Variants in PLEKHG1 observed in about 807,000 individuals in gnomAD.
PLEKHG1 encodes the protein pleckstrin homology domain-containing family G member 1.
Under a neutral mutation model 100.8 loss-of-function variants are expected in PLEKHG1, and 44 were observed. That is an observed-to-expected ratio of 0.44 (90% CI 0.34 to 0.56). The LOEUF (loss-of-function observed/expected upper bound fraction) is 0.56, where lower values mean the gene tolerates loss of function less well. Among genes scored for constraint, PLEKHG1 ranks in the 20% least tolerant of loss-of-function variants. PLEKHG1 has a pLI of 0.01. For synonymous variants in PLEKHG1, 640 were observed against 662.5 expected (o/e 0.97, Z 0.52); for missense variants, 1,545 against 1,720.9 (o/e 0.90, Z 1.81).
intron 3 of PLEKHG1, 23 bp from the exon 5 acceptor site, chr6:150,786,367 C>T: frequency 6.5e-7 from 1 of 1,536,000 alleles, no homozygotes; most frequent in African/African-American, 1.4e-5. Flanking sequence ...TCTAATACTT[C>T]CTGGCTGTTA....
At chr6:150,666,817 G>T (rs2128583043) in intron 3 of PLEKHG1, among the ~76,000 whole-genome samples, 1 of 151,178 alleles carries the variant, frequency 6.6e-6, no homozygotes, top group Non-Finnish European at 1.5e-5. Context: ...CTGGAGTGCA[G>T]TGGCGCAATC....
At chr6:150,624,071 T>G (rs1777415205) in intron 1 of PLEKHG1, among the ~76,000 whole-genome samples, 1 of 152,220 alleles carries the variant, frequency 6.6e-6, no homozygotes, top group Non-Finnish European at 1.5e-5. Context: ...GGATCATCTA[T>G]GTTAGGCACA....
chr6:150,751,715 C>T (rs902162656), intron 2 of PLEKHG1, among the ~76,000 whole-genome samples: 1 of 152,054 alleles, frequency 6.6e-6, no homozygotes, highest in African/African-American at 2.4e-5. Flanking sequence ...CACCAAGGAG[C>T]CAGAGGAAAG....
intron 3 of PLEKHG1, among the ~76,000 whole-genome samples, chr6:150,670,618 A>G (rs17080073): frequency 0.2 from 30,037 of 152,138 alleles, 3,108 homozygotes; most frequent in South Asian, 0.26. Context: ...AAAACTTTGG[A>G]GTTCCCTATT....
chr6:150,828,334 G>T, intron 14 of PLEKHG1: 1 of 1,611,760 alleles, frequency 6.2e-7, no homozygotes, highest in Non-Finnish European at 8.5e-7. Context: ...GCTCTCCTCA[G>T]TGCGGCGCTC....
intron 1 of PLEKHG1, among the ~76,000 whole-genome samples, chr6:150,607,920 C>T (rs1776670203): frequency 6.6e-6 from 1 of 152,060 alleles, no homozygotes; most frequent in Admixed American, 6.5e-5. Context: ...GGAGGAAAAC[C>T]TTGGTGGTCT....
chr6:150,773,646 A>G (rs1784813168), intron 3 of PLEKHG1, among the ~76,000 whole-genome samples: 1 of 152,194 alleles, frequency 6.6e-6, no homozygotes, highest in African/African-American at 2.4e-5. Context: ...TCAAGCCCAC[A>G]TACATTGCTC....
intron 13 of PLEKHG1, among the ~76,000 whole-genome samples, chr6:150,823,300 A>G (rs1776408958): frequency 6.6e-6 from 1 of 152,204 alleles, no homozygotes; most frequent in Non-Finnish European, 1.5e-5. Flanking sequence ...CAGAAACAAT[A>G]TCATCTTTAC....
chr6:150,662,849 C>T (rs558694147), intron 3 of PLEKHG1: 8 of 152,188 alleles, frequency 5.3e-5, no homozygotes, highest in African/African-American at 1.7e-4. Context: ...TCCTACACCT[C>T]GAGACAAGTG....
chr6:150,813,974 G>C (rs937835306), intron 10 of PLEKHG1, among the ~76,000 whole-genome samples: 2 of 152,142 alleles, frequency 1.3e-5, no homozygotes, highest in Non-Finnish European at 2.9e-5. Flanking sequence ...TCTGAGAAAG[G>C]GGACAGTCTG....
Position 150,683,765 on chromosome 6 carries a change from G to C in PLEKHG1, c.-99+32979G>C. 2 of 1,286,330 alleles carry C rather than the reference G, an allele frequency of 1.6e-6. No individual in the cohort carries two copies. Among genetic ancestry groups the C allele is most frequent in the Non-Finnish European group, 2.0e-6 (2 of 987,614 alleles). The allele number at this position is 1,286,330 out of a possible 1,614,324, so 79.7% of individuals were successfully genotyped here. Reference sequence around the variant, plus strand: ...GGCATAGGACGTCTGAAGGAAAGATGGAGCCATTCTTGGTGGGGCGGAAGA... The same window carrying C: ...GGCATAGGACGTCTGAAGGAAAGATCGAGCCATTCTTGGTGGGGCGGAAGA... On this transcript the variant is annotated intron_variant, in intron 3 of 3. Coordinates refer to the PLEKHG1 transcript ENST00000367326. This position sits in a 1 kb window ranked among gnomAD's most constrained non-coding sequence, Gnocchi z 4.0.
At chr6:150,733,469 A>G in intron 1 of PLEKHG1, 115 bp from the exon 3 acceptor site, 1 of 859,534 alleles carries the variant, frequency 1.2e-6, no homozygotes, top group East Asian at 2.9e-5. Context: ...TCCCTTCTGT[A>G]ATTGGCCACC....
At position 150,703,617 on chromosome 6, in the gene PLEKHG1, A is replaced by AC. The variant is rs1554261740; in HGVS notation, c.-98-29967_-98-29966insC. On this transcript the variant is annotated intron_variant, in intron 3 of 3. Transcript: ENST00000367326. ...CTCCATCTTAAAAAAAAAAAAAACA[A>AC]AACAACTTTTTTCTACTTGAAGAGC... 9.9e-4 allele frequency among the ~76,000 whole-genome samples: 150 copies of AC among 151,294 alleles called. 6 individuals carry two copies. The South Asian group carries it at 0.028, about 29-fold the overall frequency.
At chr6:150,770,101 G>A (rs912761461) in intron 3 of PLEKHG1, among the ~76,000 whole-genome samples, 1 of 152,190 alleles carries the variant, frequency 6.6e-6, no homozygotes, top group Non-Finnish European at 1.5e-5. Flanking sequence ...TAAAGTGCCG[G>A]CACAGAGGAA....
At chr6:150,737,554 A>G (rs1376870241) in intron 2 of PLEKHG1, among the ~76,000 whole-genome samples, 1 of 152,004 alleles carries the variant, frequency 6.6e-6, no homozygotes, top group Admixed American at 6.6e-5. Flanking sequence ...GGCCTCCCAA[A>G]GTGCTGGGAT....
At chr6:150,779,083 C>T (rs1785149698) in intron 3 of PLEKHG1, among the ~76,000 whole-genome samples, 1 of 152,090 alleles carries the variant, frequency 6.6e-6, no homozygotes, top group Non-Finnish European at 1.5e-5. Flanking sequence ...GCAGTGTGAC[C>T]TAAGGTAAGC....
chr6:150,652,664 G>C (rs1778798219), intron 3 of PLEKHG1, among the ~76,000 whole-genome samples: 1 of 150,386 alleles, frequency 6.6e-6, no homozygotes, highest in Admixed American at 6.6e-5. Context: ...AGGTTGCAGT[G>C]AGCCGAGATC....
intron 3 of PLEKHG1, among the ~76,000 whole-genome samples, chr6:150,702,384 C>T (rs1304134805): frequency 2.0e-5 from 3 of 152,044 alleles, no homozygotes; most frequent in African/African-American, 7.2e-5. Flanking sequence ...GCAGGAGAAT[C>T]GCTTGAACCC....
At position 150,756,537 on chromosome 6, in the gene PLEKHG1, G is replaced by A. The variant is rs577535228; in HGVS notation, c.412-12101G>A. Among the ~76,000 whole-genome samples the A allele has an allele frequency of 1.5e-3, 221 of 152,230 alleles. No homozygotes were observed. The Middle Eastern group carries it at 0.027, about 19-fold the overall frequency. On this transcript the variant is annotated intron_variant, in intron 2 of 15. Coordinates refer to ENST00000358517, the Ensembl canonical transcript of PLEKHG1. Reference sequence around the variant, plus strand: ...TTGACAAACCGCCCATAAAGAGGTCGGTCCTTGTGTAGATTCTTTATTTTA... The same window carrying A: ...TTGACAAACCGCCCATAAAGAGGTCAGTCCTTGTGTAGATTCTTTATTTTA...
Sources: gnomAD v4.1 joint callset for allele counts (sites outside exome capture counted in the v4.1 genomes callset) on GRCh38, gnomAD v4.1.1 for gene constraint, Gnocchi (gnomAD v3.1) non-coding constraint, MANE v1.5 for transcripts, NCBI Gene and HGNC (gene_info 2026-07-23, HGNC 2026-07-21) for gene names.